Variants in VWA3B observed in about 807,000 individuals in gnomAD.
VWA3B encodes von Willebrand factor A domain containing 3B.
Under a neutral mutation model 158.3 loss-of-function variants are expected in VWA3B, and 138 were observed. That is an observed-to-expected ratio of 0.87 (90% CI 0.76 to 1.00). VWA3B has a LOEUF of 1.00. Ranked by LOEUF, VWA3B falls within the 50% of genes least tolerant of loss-of-function variation. The pLI, the probability that VWA3B is intolerant of heterozygous loss-of-function variation, is 0.00. For missense variants in VWA3B, 1,555 were observed against 1,565.1 expected (o/e 0.99, Z 0.11); for synonymous variants, 596 against 587.3 (o/e 1.01, Z -0.21).
the VWA3B span, among the ~76,000 whole-genome samples, chr2:98,322,360 C>CTCAA: frequency 5.3e-5 from 8 of 152,158 alleles, no homozygotes; most frequent in African/African-American, 1.9e-4. Context: ...GCCTAACTGG[C>CTCAA]TCAAGGTGCC....
rs370462199 is a variant in VWA3B, at chr2:98,169,620, G to A, written c.1114+6644G>A. 3.2e-4 allele frequency among the ~76,000 whole-genome samples: 49 copies of A among 152,214 alleles called. No homozygotes were observed. In the East Asian group the frequency reaches 5.4e-3, roughly 17 times the overall value. ...CAATTGTAGCTCAATACAACTGTTG[G>A]TAAAGTGAAAGAAGAGGACAAAGTA... On this transcript the variant is annotated intron_variant, in intron 8 of 27. Coordinates refer to ENST00000477737, the MANE Select transcript of VWA3B (RefSeq NM_144992.5).
chr2:98,152,849 T>C (rs1250234017), intron 7 of VWA3B, among the ~76,000 whole-genome samples: 1 of 152,236 alleles, frequency 6.6e-6, no homozygotes. Flanking sequence ...GTCAGAACTC[T>C]ATGCTGTCAC....
chr2:98,245,496 G>A, intron 19 of VWA3B: 1 of 454,424 alleles, frequency 2.2e-6, no homozygotes, highest in Non-Finnish European at 4.4e-6. Context: ...GGATCTGCAT[G>A]TGGAGAGGAC....
intron 23 of VWA3B, among the ~76,000 whole-genome samples, chr2:98,295,142 T>C (rs1282498920): frequency 6.6e-6 from 1 of 150,518 alleles, no homozygotes; most frequent in African/African-American, 2.4e-5. Context: ...CCTCCGAGAC[T>C]GGAGGGAGAA....
intron 2 of VWA3B, among the ~76,000 whole-genome samples, chr2:98,114,443 G>A (rs1674373040): frequency 6.6e-6 from 1 of 152,142 alleles, no homozygotes; most frequent in Non-Finnish European, 1.5e-5. Flanking sequence ...CTTTACTATT[G>A]TGAAAGTTGC....
At chr2:98,212,746 T>C (rs1683638551) in intron 13 of VWA3B, among the ~76,000 whole-genome samples, 1 of 152,250 alleles carries the variant, frequency 6.6e-6, no homozygotes, top group African/African-American at 2.4e-5. Context: ...AGTAAGCATC[T>C]GGATTTTACT....
chr2:98,320,855 A>C, the VWA3B span, among the ~76,000 whole-genome samples: 1 of 152,232 alleles, frequency 6.6e-6, no homozygotes, highest in East Asian at 1.9e-4. Context: ...CCAACTGCAG[A>C]AATATGCATA....
At chr2:98,219,299 C>T (rs1684288950) in intron 14 of VWA3B, among the ~76,000 whole-genome samples, 1 of 152,022 alleles carries the variant, frequency 6.6e-6, no homozygotes. Context: ...ACAAATTAAA[C>T]TAGCAATGAA....
intron 4 of VWA3B, among the ~76,000 whole-genome samples, 170 bp downstream of exon 4, chr2:98,119,933 T>G (rs1449327850): frequency 2.6e-5 from 4 of 152,196 alleles, no homozygotes; most frequent in African/African-American, 9.6e-5. Flanking sequence ...TGAATAAATC[T>G]TAGGAACTTT....
intron 15 of VWA3B, among the ~76,000 whole-genome samples, chr2:98,228,641 G>C (rs1280683918): frequency 1.3e-5 from 2 of 152,102 alleles, no homozygotes; most frequent in African/African-American, 4.8e-5. Flanking sequence ...TCTGACTCAG[G>C]GATCAGGAGG....
chr2:98,123,072 TA>T (rs1305996175), intron 5 of VWA3B, among the ~76,000 whole-genome samples: 3 of 152,158 alleles, frequency 2.0e-5, no homozygotes, highest in Non-Finnish European at 2.9e-5. Flanking sequence ...TATGAGGAGT[TA>T]AAAAACACAT....
At chr2:98,326,765 A>C in the VWA3B span, among the ~76,000 whole-genome samples, 9 of 151,958 alleles carry the variant, frequency 5.9e-5, no homozygotes, top group Non-Finnish European at 1.3e-4. Context: ...TCAAGAAAAT[A>C]AATAAATAAA....
chr2:98,101,468 T>G (rs1250545970), intron 2 of VWA3B, among the ~76,000 whole-genome samples: 1 of 152,238 alleles, frequency 6.6e-6, no homozygotes, highest in Admixed American at 6.5e-5. Context: ...AAATTTCCAC[T>G]ACTAGGACTT....
chr2:98,142,498 T>A (rs1676860578), intron 7 of VWA3B, among the ~76,000 whole-genome samples: 1 of 152,212 alleles, frequency 6.6e-6, no homozygotes, highest in Non-Finnish European at 1.5e-5. Flanking sequence ...CTGAATGTCT[T>A]GCAGCCTACT....
At chr2:98,191,807 C>T (rs907013143) in intron 10 of VWA3B, among the ~76,000 whole-genome samples, 2 of 152,198 alleles carry the variant, frequency 1.3e-5, no homozygotes, top group Non-Finnish European at 2.9e-5. Flanking sequence ...GGAGCATGCT[C>T]TCTCTCCCTT....
At chr2:98,090,878 C>T (rs1432313206) in intron 1 of VWA3B, among the ~76,000 whole-genome samples, 4 of 151,048 alleles carry the variant, frequency 2.6e-5, no homozygotes, top group Non-Finnish European at 5.9e-5. Flanking sequence ...GCTGCAGCCT[C>T]TCGAGTAGCT....
intron 7 of VWA3B, among the ~76,000 whole-genome samples, chr2:98,162,281 A>G (rs906350584): frequency 6.6e-6 from 1 of 152,140 alleles, no homozygotes; most frequent in Admixed American, 6.5e-5. Flanking sequence ...ATTGATTGAA[A>G]GACATAAATA....
chr2:98,185,475 A>G (rs1365636584), intron 9 of VWA3B, among the ~76,000 whole-genome samples: 1 of 152,234 alleles, frequency 6.6e-6, no homozygotes, highest in Non-Finnish European at 1.5e-5. Context: ...GTTTCACTGT[A>G]AATTCACGCC....
At chr2:98,139,474 G>T (rs1218898226) in intron 7 of VWA3B, among the ~76,000 whole-genome samples, 1 of 152,222 alleles carries the variant, frequency 6.6e-6, no homozygotes, top group Non-Finnish European at 1.5e-5. Flanking sequence ...CCTGAGTCTG[G>T]TGGGGACGTG....
Sources: gnomAD v4.1 joint callset for allele counts (sites outside exome capture counted in the v4.1 genomes callset) on GRCh38, gnomAD v4.1.1 for gene constraint, MANE v1.5 for transcripts, NCBI Gene and HGNC (gene_info 2026-07-23, HGNC 2026-07-21) for gene names.